GUCY1A2: variants seen among roughly 807,000 people sequenced by gnomAD.
GUCY1A2 encodes guanylate cyclase 1 soluble subunit alpha 2.
GUCY1A2 carries 27 observed loss-of-function variants against 63.5 expected under a neutral mutation model. The ratio of observed to expected loss-of-function variants is 0.43; its 90% CI spans 0.31 to 0.59. The LOEUF (loss-of-function observed/expected upper bound fraction) is 0.59. Among genes scored for constraint, GUCY1A2 ranks in the 20% least tolerant of loss-of-function variants. GUCY1A2 has a pLI of 0.11. For missense variants in GUCY1A2, 768 were observed against 913.3 expected (o/e 0.84, Z 2.05); for synonymous variants, 364 against 343.5 (o/e 1.06, Z -0.66).
chr11:106,870,832 G>A (rs923343627), intron 4 of GUCY1A2, among the ~76,000 whole-genome samples: 22 of 151,924 alleles, frequency 1.4e-4, no homozygotes, highest in Admixed American at 1.1e-3. Context: ...ATGTGGTTTC[G>A]CCTAAAGCCA....
At position 106,676,119 on chromosome 11, in the gene GUCY1A2, TAAAAA is replaced by T. The variant is rs1862341888; in HGVS notation, c.*11425_*11429del. 5.5e-6 allele frequency: 1 copy of T among 181,042 alleles called. No individual in the cohort carries two copies. Among genetic ancestry groups the T allele is most frequent in the Admixed American group, 6.3e-5 (1 of 15,864 alleles). The allele number at this position is 181,042 out of a possible 1,614,324, so 11.2% of individuals were successfully genotyped here. On this transcript the variant is annotated 3_prime_UTR_variant, in exon 8 of 8. Transcript: ENST00000526355. ...GTGGTTTGAATATAATCTTAATACA[TAAAAA>T]TAAAAAACCAGAAAGAATACAATTT...
intron 4 of GUCY1A2, among the ~76,000 whole-genome samples, chr11:106,911,020 T>C (rs1591324181): frequency 6.6e-6 from 1 of 151,728 alleles, no homozygotes. Flanking sequence ...AAGACATACA[T>C]TCTAGCACAT....
At position 106,914,993 on chromosome 11, in the gene GUCY1A2, T is replaced by G. The variant is rs967929251; in HGVS notation, c.1206+24467A>C. 1.7e-4 allele frequency among the ~76,000 whole-genome samples: 26 copies of G among 152,190 alleles called. No homozygotes were observed. In the Middle Eastern group the frequency reaches 0.014, roughly 80 times the overall value. ...AATTTAAAAAAACGCCAACCTAGAA[T>G]TGTATGTACAGCAATCCTGCAAAAG... On this transcript the variant is annotated intron_variant, in intron 4 of 7. Coordinates refer to ENST00000526355, the MANE Select transcript of GUCY1A2 (RefSeq NM_000855.3).
intron 4 of GUCY1A2, among the ~76,000 whole-genome samples, chr11:106,873,322 C>T (rs1453914072): frequency 6.6e-6 from 1 of 152,106 alleles, no homozygotes; most frequent in African/African-American, 2.4e-5. Flanking sequence ...ACTTCTGGTT[C>T]TAGATCCTTG....
intron 5 of GUCY1A2, among the ~76,000 whole-genome samples, chr11:106,779,610 G>A (rs961058586): frequency 6.6e-6 from 1 of 151,984 alleles, no homozygotes; most frequent in Non-Finnish European, 1.5e-5. Flanking sequence ...TTCCTGAAAT[G>A]TCTATCACCA....
At chr11:107,005,334 T>C (rs1370328259) in intron 1 of GUCY1A2, among the ~76,000 whole-genome samples, 1 of 152,220 alleles carries the variant, frequency 6.6e-6, no homozygotes, top group Non-Finnish European at 1.5e-5. Context: ...CATTCAGTAG[T>C]GTGATCATAG....
chr11:106,708,735 G>C (rs1862963221), intron 6 of GUCY1A2, 69 bp from the exon 7 acceptor site: 1 of 939,152 alleles, frequency 1.1e-6, no homozygotes, highest in East Asian at 2.9e-5. Flanking sequence ...TTTAATGAAA[G>C]GCACTGCTAA....
chr11:106,854,172 T>G (rs184006505), intron 4 of GUCY1A2, among the ~76,000 whole-genome samples: 4 of 152,126 alleles, frequency 2.6e-5, no homozygotes, highest in Non-Finnish European at 4.4e-5. Context: ...GAGGGCCAGG[T>G]TGGCATGTGT....
At chr11:106,795,712 T>C (rs1864746028) in intron 5 of GUCY1A2, among the ~76,000 whole-genome samples, 1 of 152,180 alleles carries the variant, frequency 6.6e-6, no homozygotes, top group Non-Finnish European at 1.5e-5. Context: ...AAATTTAAGA[T>C]GACAGAGTTA....
chr11:106,988,877 T>A (rs1433030603), intron 1 of GUCY1A2, among the ~76,000 whole-genome samples: 1 of 152,180 alleles, frequency 6.6e-6, no homozygotes, highest in Non-Finnish European at 1.5e-5. Flanking sequence ...CATGGCCTGA[T>A]CAGTGAGAGA....
intron 4 of GUCY1A2, among the ~76,000 whole-genome samples, chr11:106,888,764 T>G (rs1259972502): frequency 2.6e-5 from 4 of 152,234 alleles, no homozygotes; most frequent in Middle Eastern, 3.2e-3. Flanking sequence ...ACTGCTATAC[T>G]TCCTTTGATC....
At chr11:106,845,500 A>G (rs184801606) in intron 4 of GUCY1A2, among the ~76,000 whole-genome samples, 1 of 151,582 alleles carries the variant, frequency 6.6e-6, no homozygotes, top group African/African-American at 2.4e-5. Context: ...TCAGGTGCTC[A>G]CTGACTATCT....
intron 2 of GUCY1A2, among the ~76,000 whole-genome samples, chr11:106,984,129 G>A (rs1299251115): frequency 6.6e-6 from 1 of 152,182 alleles, no homozygotes; most frequent in African/African-American, 2.4e-5. Context: ...TGACAAAATT[G>A]CTGCCAACAG....
chr11:106,914,538 A>G (rs1394527159), intron 4 of GUCY1A2, among the ~76,000 whole-genome samples: 4 of 152,102 alleles, frequency 2.6e-5, no homozygotes, highest in Non-Finnish European at 5.9e-5. Context: ...TACGTCCAGT[A>G]AGTACAAATA....
At chr11:106,847,853 C>CT (rs1235087543) in intron 4 of GUCY1A2, among the ~76,000 whole-genome samples, 7 of 151,254 alleles carry the variant, frequency 4.6e-5, no homozygotes, top group South Asian at 4.2e-4. Context: ...ATAAGAAATG[C>CT]TTTTTTTTAA....
At chr11:106,882,199 G>A (rs946631479) in intron 4 of GUCY1A2, among the ~76,000 whole-genome samples, 8 of 151,866 alleles carry the variant, frequency 5.3e-5, no homozygotes, top group South Asian at 2.1e-4. Flanking sequence ...GAGATGGGAG[G>A]TTTATAGATG....
At position 106,939,729 on chromosome 11, in the gene GUCY1A2, G is replaced by A. The variant is rs765891557; in HGVS notation, c.937C>T (p.Pro313Ser). 1 of 1,613,710 alleles carries A rather than the reference G, an allele frequency of 6.2e-7. No individual in the cohort carries two copies. The highest frequency in any genetic ancestry group is 8.5e-7 in the Non-Finnish European group (1 of 1,179,778). The change falls in exon 4 of 8, where the codon CCT becomes TCT. Residue 313 changes from proline (P) to serine (S), a missense_variant. Coordinates refer to ENST00000526355, the MANE Select transcript of GUCY1A2 (RefSeq NM_000855.3). ...KNLPQGTSQVPADLRISINTF... is the reference protein window; with the variant it reads ...KNLPQGTSQVSADLRISINTF... ...TTGATGCTAATTCTGAGGTCCGCAG[G>A]AACTTGGGAGGTTCCCTGTGGAAGG...
intron 4 of GUCY1A2, among the ~76,000 whole-genome samples, chr11:106,835,837 AT>A (rs1176504119): frequency 6.6e-6 from 1 of 151,970 alleles, no homozygotes; most frequent in East Asian, 1.9e-4. Context: ...TTCTCCATGA[AT>A]AACACAAAAG....
intron 4 of GUCY1A2, among the ~76,000 whole-genome samples, chr11:106,815,485 T>C (rs1030788447): frequency 6.6e-6 from 1 of 151,570 alleles, no homozygotes; most frequent in East Asian, 1.9e-4. Flanking sequence ...TTAGGGTGCA[T>C]ATGTACCCTA....
Sources: allele counts gnomAD v4.1 joint callset (sites outside exome capture counted in the v4.1 genomes callset), GRCh38; gene constraint gnomAD v4.1.1; transcripts MANE v1.5; gene names NCBI Gene and HGNC (gene_info 2026-07-23, HGNC 2026-07-21).